Variants in FUT9 observed in about 807,000 individuals in gnomAD.
The protein encoded by FUT9 is fucosyltransferase 9, also known as 4-galactosyl-N-acetylglucosaminide 3-alpha-L-fucosyltransferase 9.
FUT9 carries 15 observed loss-of-function variants against 29.7 expected under a neutral mutation model. The ratio of observed to expected loss-of-function variants is 0.51; its 90% confidence interval spans 0.34 to 0.78. The LOEUF (loss-of-function observed/expected upper bound fraction) is 0.78, where lower values mean the gene tolerates loss of function less well. Among genes scored for constraint, FUT9 ranks in the 30% least tolerant of loss-of-function variants. The pLI, the probability that FUT9 is intolerant of heterozygous loss-of-function variation, is 0.01. For synonymous variants in FUT9, 169 were observed against 153.7 expected, an observed-to-expected ratio of 1.10 and a Z score of -0.74; for missense variants, 319 against 425.4, an observed-to-expected ratio of 0.75 and a Z score of 2.20.
chr6:96,215,423 A>T lies in FUT9; in HGVS notation c.*11188A>T, dbSNP rs1260759331. 6.0e-6 allele frequency: 1 copy of T among 166,842 alleles called. No homozygotes were observed. Among genetic ancestry groups the T allele is most frequent in the Non-Finnish European group, 1.5e-5 (1 of 68,092 alleles). The allele number at this position is 166,842 out of a possible 1,614,324, so 10.3% of individuals were successfully genotyped here. On this transcript the variant is annotated 3_prime_UTR_variant, in exon 3 of 3. Coordinates refer to ENST00000302103, the MANE Select transcript of FUT9 (RefSeq NM_006581.4). Reference sequence around the variant, plus strand: ...AAGATTCCAAGGCAGAAATAAATGTATAAAGGATTTGAGCCTGTATGTGTA... The same window carrying T: ...AAGATTCCAAGGCAGAAATAAATGTTTAAAGGATTTGAGCCTGTATGTGTA...
chr6:96,154,468 T>C (rs964223318), intron 2 of FUT9, among the ~76,000 whole-genome samples: 1 of 152,218 alleles, frequency 6.6e-6, no homozygotes, highest in East Asian at 1.9e-4. Context: ...AACATGTTTT[T>C]ACTTTTTTGT....
intron 1 of FUT9, among the ~76,000 whole-genome samples, chr6:96,053,794 T>A (rs1197157629): frequency 6.6e-6 from 1 of 152,168 alleles, no homozygotes; most frequent in Non-Finnish European, 1.5e-5. Flanking sequence ...TTATATGTTT[T>A]TTAGCAATTT....
intron 1 of FUT9, among the ~76,000 whole-genome samples, chr6:96,074,949 T>C (rs1338518800): frequency 6.6e-6 from 1 of 151,926 alleles, no homozygotes; most frequent in African/African-American, 2.4e-5. Flanking sequence ...GCGAATTTTT[T>C]TTTTTTAATT....
chr6:96,171,878 G>T (rs1331472205), intron 2 of FUT9, among the ~76,000 whole-genome samples: 2 of 152,086 alleles, frequency 1.3e-5, no homozygotes, highest in African/African-American at 4.8e-5. Flanking sequence ...TTACCTAGCA[G>T]AATAAAGAAT....
At chr6:96,200,698 T>C (rs888730986) in intron 2 of FUT9, among the ~76,000 whole-genome samples, 2 of 152,114 alleles carry the variant, frequency 1.3e-5, no homozygotes, top group Non-Finnish European at 2.9e-5. Context: ...ACATTAAACA[T>C]TGGTCTCACA....
At chr6:96,196,567 C>T (rs967797924) in intron 2 of FUT9, among the ~76,000 whole-genome samples, 2 of 152,096 alleles carry the variant, frequency 1.3e-5, no homozygotes, top group South Asian at 2.1e-4. Context: ...CAAAAATTAG[C>T]TGGTCGTGGT....
rs1313941827 is a variant in FUT9 at position 96,208,097 on chromosome 6, C to T, written c.*3862C>T. ...CTTATTTTGAGGGGCTTAGAAAGCTCAGCGCATTTGATGTATAAAGCAACA... is the reference window on the plus strand; with the variant it reads ...CTTATTTTGAGGGGCTTAGAAAGCTTAGCGCATTTGATGTATAAAGCAACA... On this transcript the variant is annotated 3_prime_UTR_variant, in exon 3 of 3. Coordinates refer to ENST00000302103, the MANE Select transcript of FUT9 (RefSeq NM_006581.4). The T allele has an allele frequency of 6.0e-6, 1 of 166,824 alleles. No homozygotes were observed. Among genetic ancestry groups the T allele is most frequent in the Admixed American group, 6.6e-5 (1 of 15,252 alleles). 10.3% of individuals were successfully genotyped at this position (166,824 alleles called of 1,614,324 possible). A position where few individuals can be genotyped will look rare whatever the true frequency, so the allele number is the denominator to read the frequency against.
intron 1 of FUT9, among the ~76,000 whole-genome samples, chr6:96,064,186 A>G (rs1770923106): frequency 6.6e-6 from 1 of 152,158 alleles, no homozygotes. Context: ...GCTTTCTGTG[A>G]TAAAGAACTC....
In FUT9 at chr6:96,201,821, T is replaced by C. The variant is rs546914841; in HGVS notation, c.-8-1327T>C. Reference sequence around the variant, plus strand: ...ATCTCTGATTCCAATACCTTAGTTCTGGGAGTGATCTAGAATGCAGTGTCC... The same window carrying C: ...ATCTCTGATTCCAATACCTTAGTTCCGGGAGTGATCTAGAATGCAGTGTCC... On this transcript the variant is annotated intron_variant, in intron 2 of 2. Transcript: ENST00000302103. 4.6e-5 allele frequency among the ~76,000 whole-genome samples: 7 copies of C among 151,464 alleles called. No individual in the cohort carries two copies. The South Asian group carries it at 1.0e-3, about 23-fold the overall frequency.
intron 1 of FUT9, among the ~76,000 whole-genome samples, chr6:96,097,042 A>C (rs1391777214): frequency 6.6e-6 from 1 of 152,170 alleles, no homozygotes; most frequent in East Asian, 1.9e-4. Flanking sequence ...CACAGAGACA[A>C]ATCATTTTCC....
chr6:96,096,007 C>T (rs1771488662), intron 1 of FUT9, among the ~76,000 whole-genome samples: 1 of 152,126 alleles, frequency 6.6e-6, no homozygotes, highest in Non-Finnish European at 1.5e-5. Flanking sequence ...AATCTAATGA[C>T]TCATAAAACC....
intron 2 of FUT9, among the ~76,000 whole-genome samples, chr6:96,194,300 G>A (rs1327691263): frequency 6.6e-6 from 1 of 152,094 alleles, no homozygotes; most frequent in Non-Finnish European, 1.5e-5. Flanking sequence ...TCATATGTCT[G>A]GGTTCTGGTA....
intron 1 of FUT9, among the ~76,000 whole-genome samples, chr6:96,026,483 G>T (rs1482977167): frequency 6.6e-6 from 1 of 151,598 alleles, no homozygotes; most frequent in Admixed American, 6.6e-5. Flanking sequence ...AAGTAAAAAT[G>T]TGAGCCTAAA....
chr6:96,076,549 A>C (rs752824201), intron 1 of FUT9, among the ~76,000 whole-genome samples: 13 of 152,220 alleles, frequency 8.5e-5, no homozygotes, highest in Non-Finnish European at 1.8e-4. Context: ...TGACAAAGCC[A>C]TCTGATTTCT....
chr6:96,164,253 CTTTTTTTTTT>C (rs57049980), intron 2 of FUT9, among the ~76,000 whole-genome samples: 2 of 105,788 alleles, frequency 1.9e-5, no homozygotes, highest in Admixed American at 2.4e-4. Context: ...GATCCAGGTT[CTTTTTTTTTT>C]TTTTTTTTTT....
At chr6:96,134,572 T>C (rs1772312317) in intron 2 of FUT9, among the ~76,000 whole-genome samples, 1 of 151,922 alleles carries the variant, frequency 6.6e-6, no homozygotes, top group South Asian at 2.1e-4. Flanking sequence ...AATCACCAAT[T>C]ACTGAATGCT....
rs1374518262 is a variant in FUT9, at chr6:96,215,177, A to C, written c.*10942A>C. On this transcript the variant is annotated 3_prime_UTR_variant, in exon 3 of 3. Transcript: ENST00000302103. Reference sequence around the variant, plus strand: ...AATATTTTAATAAGCCATGAAAGGCAAGATGCCAGAGAAAATCTGTATATT... The same window carrying C: ...AATATTTTAATAAGCCATGAAAGGCCAGATGCCAGAGAAAATCTGTATATT... 1.2e-5 allele frequency: 2 copies of C among 167,040 alleles called. No homozygotes were observed. Among genetic ancestry groups the C allele is most frequent in the Non-Finnish European group, 2.9e-5 (2 of 68,092 alleles). 10.3% of individuals were successfully genotyped at this position (167,040 alleles called of 1,614,324 possible).
intron 1 of FUT9, among the ~76,000 whole-genome samples, chr6:96,078,177 A>G (rs1339268669): frequency 6.6e-6 from 1 of 151,934 alleles, no homozygotes; most frequent in African/African-American, 2.4e-5. Context: ...AATTTTTTCT[A>G]CATTCCGGGA....
At chr6:96,174,343 A>T (rs907122273) in intron 2 of FUT9, among the ~76,000 whole-genome samples, 1 of 152,198 alleles carries the variant, frequency 6.6e-6, no homozygotes, top group Non-Finnish European at 1.5e-5. Flanking sequence ...GTTTTCAAGC[A>T]TATAAAAAGT....
Sources: gnomAD v4.1 joint callset for allele counts (sites outside exome capture counted in the v4.1 genomes callset) on GRCh38, gnomAD v4.1.1 for gene constraint, MANE v1.5 for transcripts, NCBI Gene and HGNC (gene_info 2026-07-23, HGNC 2026-07-21) for gene names.